The following EPHB1 variants were observed in gnomAD, a reference collection of about 807,000 sequenced individuals.
EPHB1 encodes the protein EPH receptor B1, also known as ephrin type-B receptor 1.
Under a neutral mutation model 94.4 loss-of-function variants are expected in EPHB1, and 30 were observed. That is an observed-to-expected ratio of 0.32 (90% CI 0.24 to 0.43). EPHB1 has a LOEUF of 0.43. EPHB1 is among the 20% of genes least tolerant of loss of function. The probability of loss-of-function intolerance (pLI) is 1.00; values close to 1 mark genes in which losing one functional copy is unlikely to be tolerated. For missense variants in EPHB1, 1,055 were observed against 1,308.3 expected (o/e 0.81, Z 2.99); for synonymous variants, 522 against 489.1 (o/e 1.07, Z -0.89).
chr3:135,185,681 A>AGAATGTAACCCTCACAT (rs1485253136), intron 10 of EPHB1, among the ~76,000 whole-genome samples: 1 of 152,212 alleles, frequency 6.6e-6, no homozygotes, highest in African/African-American at 2.4e-5. Flanking sequence ...CCAGATCTGG[A>AGAATGTAACCCTCACAT]GAATGTAACC....
At position 135,144,368 on chromosome 3, in the gene EPHB1, C is replaced by A. The variant is rs1335694453; in HGVS notation, c.1298-9784C>A. Reference sequence around the variant, plus strand: ...TTCTCAAACTTGAGAATGTGTCAGACTCCTGTGAAAGACTTGTTAAAACAC... The same window carrying A: ...TTCTCAAACTTGAGAATGTGTCAGAATCCTGTGAAAGACTTGTTAAAACAC... On this transcript the variant is annotated intron_variant, in intron 5 of 15. Coordinates refer to ENST00000398015, the MANE Select transcript of EPHB1 (RefSeq NM_004441.5). Among the ~76,000 whole-genome samples the A allele has an allele frequency of 2.6e-5, 4 of 152,312 alleles. No homozygotes were observed. In the South Asian group the frequency reaches 8.3e-4, roughly 32 times the overall value.
At chr3:135,155,378 A>G (rs1191536770) in intron 6 of EPHB1, among the ~76,000 whole-genome samples, 2 of 152,060 alleles carry the variant, frequency 1.3e-5, no homozygotes, top group Admixed American at 6.6e-5. Flanking sequence ...AGCCTATGCA[A>G]AGGTCCTGAG....
chr3:134,837,144 C>T (rs1042865866), intron 1 of EPHB1, among the ~76,000 whole-genome samples: 4 of 152,334 alleles, frequency 2.6e-5, no homozygotes, highest in South Asian at 4.1e-4. Flanking sequence ...GACTGATCCT[C>T]GCCCAGCTCT....
intron 12 of EPHB1, among the ~76,000 whole-genome samples, chr3:135,235,281 C>T (rs142169265): frequency 2.0e-3 from 306 of 152,268 alleles, no homozygotes; most frequent in Non-Finnish European, 3.3e-3. Flanking sequence ...TAAGACAATT[C>T]CTAAAGCAAT....
chr3:134,871,237 C>T (rs2037493016), intron 1 of EPHB1, among the ~76,000 whole-genome samples: 1 of 152,194 alleles, frequency 6.6e-6, no homozygotes, highest in Admixed American at 6.5e-5. Context: ...AATGAAGAGA[C>T]CATCACTTAT....
intron 4 of EPHB1, among the ~76,000 whole-genome samples, chr3:135,124,308 T>C (rs1940105740): frequency 6.6e-6 from 1 of 151,638 alleles, no homozygotes; most frequent in East Asian, 1.9e-4. Flanking sequence ...GCATGCTGTC[T>C]CCCCTCCTCC....
In EPHB1 at chr3:135,111,953, T is replaced by C. The variant is rs555134180; in HGVS notation, c.961+5350T>C. On this transcript the variant is annotated intron_variant, in intron 4 of 15. Coordinates refer to ENST00000398015, the MANE Select transcript of EPHB1 (RefSeq NM_004441.5). The stretch of plus-strand genomic sequence containing the variant: ...TCAGCCTCCCAAAGTGCTGGGATTA[T>C]AGGCGTGAGCCACCGCGCCCAGCCC... Among the ~76,000 whole-genome samples the C allele has an allele frequency of 2.0e-4, 31 of 152,306 alleles. 1 individual carries two copies. In the South Asian group the frequency reaches 4.3e-3, roughly 21 times the overall value.
chr3:134,813,161 G>A (rs561780091), intron 1 of EPHB1, among the ~76,000 whole-genome samples: 14 of 152,212 alleles, frequency 9.2e-5, no homozygotes, highest in Non-Finnish European at 1.9e-4. Context: ...CCCCCAAACA[G>A]GGGCCAGGAC....
At chr3:135,147,212 T>C (rs1941038124) in intron 5 of EPHB1, among the ~76,000 whole-genome samples, 1 of 152,104 alleles carries the variant, frequency 6.6e-6, no homozygotes, top group South Asian at 2.1e-4. Context: ...TTACCCGTTT[T>C]CTTCACAGCT....
At chr3:135,227,404 C>CTG (rs761324848) in intron 12 of EPHB1, among the ~76,000 whole-genome samples, 19 of 151,924 alleles carry the variant, frequency 1.3e-4, no homozygotes, top group African/African-American at 2.2e-4. Context: ...CTCCTCTTTA[C>CTG]TGTGTGTGTG....
intron 4 of EPHB1, among the ~76,000 whole-genome samples, chr3:135,130,997 G>T (rs1026413026): frequency 2.6e-5 from 4 of 152,170 alleles, no homozygotes; most frequent in Admixed American, 2.0e-4. Context: ...GTAATGAATT[G>T]TGCAGTGTGT....
chr3:135,232,949 A>G (rs749663035), intron 12 of EPHB1, among the ~76,000 whole-genome samples: 7 of 152,230 alleles, frequency 4.6e-5, no homozygotes, highest in Non-Finnish European at 5.9e-5. Flanking sequence ...AACTGCCTCC[A>G]TGATTAAATT....
chr3:135,162,314 G>C (rs1941531914), intron 7 of EPHB1, 134 bp downstream of exon 7: 2 of 1,063,358 alleles, frequency 1.9e-6, no homozygotes, highest in African/African-American at 3.3e-5. Context: ...CAAACGGTTT[G>C]CCTCCCAGTA....
At chr3:135,210,761 A>C (rs981917758) in intron 12 of EPHB1, among the ~76,000 whole-genome samples, 1 of 152,146 alleles carries the variant, frequency 6.6e-6, no homozygotes, top group Non-Finnish European at 1.5e-5. Context: ...GGACACTGTG[A>C]TTCCCTCTCT....
At chr3:134,940,110 G>A (rs571331296) in intron 2 of EPHB1, among the ~76,000 whole-genome samples, 170 of 149,686 alleles carry the variant, frequency 1.1e-3, no homozygotes, top group African/African-American at 3.8e-3. Context: ...CTCTGTGTCT[G>A]TAAGGAGAGG....
At chr3:134,866,470 C>T (rs1419478953) in intron 1 of EPHB1, among the ~76,000 whole-genome samples, 1 of 152,148 alleles carries the variant, frequency 6.6e-6, no homozygotes, top group Non-Finnish European at 1.5e-5. Context: ...CTGCCTGCTG[C>T]CCCTTCCTGA....
chr3:134,850,719 C>T (rs1009084188), intron 1 of EPHB1, among the ~76,000 whole-genome samples: 1 of 152,236 alleles, frequency 6.6e-6, no homozygotes, highest in Non-Finnish European at 1.5e-5. Flanking sequence ...CAAGGAGGAG[C>T]GGCTGGCATT....
chr3:135,086,343 G>A (rs1938361939), intron 3 of EPHB1, among the ~76,000 whole-genome samples: 1 of 151,144 alleles, frequency 6.6e-6, no homozygotes, highest in Non-Finnish European at 1.5e-5. Flanking sequence ...GGGGGTGGGG[G>A]AGGGTGTTCC....
Position 135,104,875 on chromosome 3 carries a change from A to C in EPHB1, c.806-1573A>C, listed in dbSNP as rs142239147. 9.1e-4 allele frequency among the ~76,000 whole-genome samples: 138 copies of C among 152,356 alleles called. No individual in the cohort carries two copies. The East Asian group carries it at 0.018, about 20-fold the overall frequency. ...CTCACCTTAAGTGATCAATGGAGTG[A>C]GATAACTTTCACAGCATAGGAAACA... is the stretch of plus-strand genomic sequence containing the variant. On this transcript the variant is annotated intron_variant, in intron 3 of 15. Transcript: ENST00000398015.
Sources: allele counts gnomAD v4.1 joint callset (sites outside exome capture counted in the v4.1 genomes callset), GRCh38; gene constraint gnomAD v4.1.1; transcripts MANE v1.5; gene names NCBI Gene and HGNC (gene_info 2026-07-23, HGNC 2026-07-21).